Variants in FLNB observed in about 807,000 individuals in gnomAD.
FLNB encodes the protein filamin-B.
In FLNB, 111 loss-of-function variants were observed where a neutral mutation model predicts 250.6. The observed-to-expected ratio is 0.44, with a 90% confidence interval of 0.38 to 0.52. FLNB has a LOEUF of 0.52. Ranked by LOEUF, FLNB falls within the 20% of genes least tolerant of loss-of-function variation. The probability of loss-of-function intolerance (pLI) is 0.00; values close to 1 mark genes in which losing one functional copy is unlikely to be tolerated. For missense variants in FLNB, 2,869 were observed against 3,447.8 expected (o/e 0.83, Z 4.20); for synonymous variants, 1,302 against 1,372.1 (o/e 0.95, Z 1.13).
At chr3:58,150,396 CAG>C (rs1488091107) in intron 38 of FLNB, 169 bp downstream of exon 38, 6 of 755,900 alleles carry the variant, frequency 7.9e-6, no homozygotes, top group Admixed American at 7.4e-5. Flanking sequence ...TTTATTTTCA[CAG>C]AGTCTCATCC....
chr3:58,167,998 A>G (rs1281588018), intron 43 of FLNB, among the ~76,000 whole-genome samples: 2 of 152,116 alleles, frequency 1.3e-5, no homozygotes, highest in Non-Finnish European at 2.9e-5. Flanking sequence ...AAGGGAGGAG[A>G]TGCTTGGCCT....
Position 58,017,998 on chromosome 3 carries a change from T to G in FLNB, c.292+9142T>G, listed in dbSNP as rs529610302. ...AGGAGGACCCTTGTCCTCCTACATA[T>G]TATTCTTTGGCTCTTCTTGGTACCA... On this transcript the variant is annotated intron_variant, in intron 1 of 45. Coordinates refer to ENST00000295956, the MANE Select transcript of FLNB (RefSeq NM_001457.4). 5.3e-5 allele frequency among the ~76,000 whole-genome samples: 8 copies of G among 152,288 alleles called. 1 individual carries two copies. The highest frequency in any genetic ancestry group is 3.3e-4 in the Admixed American group (5 of 15,288).
chr3:58,132,177 T>C (rs2097308571), intron 25 of FLNB: 1 of 624,902 alleles, frequency 1.6e-6, no homozygotes, highest in Non-Finnish European at 2.8e-6. Flanking sequence ...GACTGTCACG[T>C]TGGAAGCTGG....
chr3:58,084,355 C>A lies in FLNB; in HGVS notation c.787+2579C>A, dbSNP rs569551955. Among the ~76,000 whole-genome samples, 420 of 152,302 alleles carry A rather than the reference C, an allele frequency of 2.8e-3. 1 individual carries two copies. Among genetic ancestry groups the A allele is most frequent in the Non-Finnish European group, 3.0e-3 (202 of 68,022 alleles). ...ATTGGTCAAATGGACTGAATCTAAT[C>A]AAGGCATAGTGTATGTTTGTAATAA... On this transcript the variant is annotated intron_variant, in intron 4 of 45. Transcript: ENST00000295956.
In FLNB at chr3:58,130,928, T is replaced by C. The variant is rs1559716740; in HGVS notation, c.4390+20T>C. 1 of 1,604,426 alleles carries C rather than the reference T, an allele frequency of 6.2e-7. No individual in the cohort carries two copies. ...CACGAGGTAAGTGTGCACCCTGCCT[T>C]CCTGCAGACATTCATCTGCCCCAGG... On this transcript the variant is annotated intron_variant, in intron 25 of 45. Coordinates refer to ENST00000295956, the MANE Select transcript of FLNB (RefSeq NM_001457.4).
intron 41 of FLNB, among the ~76,000 whole-genome samples, chr3:58,156,897 A>C (rs1335412647): frequency 6.6e-6 from 1 of 152,090 alleles, no homozygotes; most frequent in Non-Finnish European, 1.5e-5. Flanking sequence ...GGGTTGCACC[A>C]TGTTGGCCAG....
At position 58,110,322 on chromosome 3, in the gene FLNB, G is replaced by A; in HGVS notation, c.2484+152G>A. The A allele has an allele frequency of 6.0e-6, 5 of 840,170 alleles. No individual in the cohort carries two copies. In the South Asian group the frequency reaches 7.9e-5, roughly 13 times the overall value. The allele number at this position is 840,170 out of a possible 1,614,324, so 52.0% of individuals were successfully genotyped here. ...CTTTCACCCAAGCTAGAGTGCAGTG[G>A]TGTGATCTTGGCTCACTGCAACCTC... On this transcript the variant is annotated intron_variant, in intron 16 of 45. Coordinates refer to ENST00000295956, the MANE Select transcript of FLNB (RefSeq NM_001457.4).
chr3:58,090,274 G>T (rs982464889), intron 4 of FLNB, among the ~76,000 whole-genome samples: 1 of 152,028 alleles, frequency 6.6e-6, no homozygotes, highest in Non-Finnish European at 1.5e-5. Flanking sequence ...GAGCAGTAAT[G>T]TGTGGAACCG....
At chr3:58,040,984 C>T (rs2097145285) in intron 1 of FLNB, among the ~76,000 whole-genome samples, 1 of 152,076 alleles carries the variant, frequency 6.6e-6, no homozygotes, top group African/African-American at 2.4e-5. Flanking sequence ...TGAGTGCTAA[C>T]CATAGTGAGT....
At chr3:58,106,215 A>G (rs2097259283) in intron 11 of FLNB, among the ~76,000 whole-genome samples, 1 of 152,120 alleles carries the variant, frequency 6.6e-6, no homozygotes, top group African/African-American at 2.4e-5. Context: ...ATAAAAACCC[A>G]GAAGTGGATT....
At position 58,083,646 on chromosome 3, in the gene FLNB, C is replaced by T. The variant is rs999376134; in HGVS notation, c.787+1870C>T. On this transcript the variant is annotated intron_variant, in intron 4 of 45. Transcript: ENST00000295956. ...CCTCCCAATCCGCTTATTCTTAAGA[C>T]GACACATGGCTAGGGCAGTGATGCT... Among the ~76,000 whole-genome samples the T allele has an allele frequency of 4.6e-5, 7 of 152,212 alleles. No individual in the cohort carries two copies. The South Asian group carries it at 6.2e-4, about 14-fold the overall frequency.
At chr3:58,081,118 A>G (rs2097208730) in intron 3 of FLNB, among the ~76,000 whole-genome samples, 1 of 151,938 alleles carries the variant, frequency 6.6e-6, no homozygotes, top group Admixed American at 6.6e-5. Context: ...AATGGCTCCT[A>G]ATATATTGAG....
intron 15 of FLNB, 84 bp from the exon 16 acceptor site, chr3:58,109,926 T>G: frequency 1.9e-6 from 3 of 1,560,432 alleles, no homozygotes; most frequent in Non-Finnish European, 2.6e-6. Context: ...AATTGCTTTT[T>G]GAGGGTGTTA....
intron 1 of FLNB, among the ~76,000 whole-genome samples, chr3:58,073,423 G>A (rs2106933200): frequency 6.6e-6 from 1 of 152,170 alleles, no homozygotes. Flanking sequence ...ACCAAGTTCC[G>A]TGCAGGGCCT....
At chr3:58,167,525 C>T (rs2097372800) in intron 43 of FLNB, among the ~76,000 whole-genome samples, 1 of 152,232 alleles carries the variant, frequency 6.6e-6, no homozygotes. Flanking sequence ...GATGCTATGC[C>T]AGGCATGCCC....
In FLNB at chr3:58,143,548, G is replaced by T; in HGVS notation, c.5360G>T (p.Arg1787Ile). 1 of 1,614,224 alleles carries T rather than the reference G, an allele frequency of 6.2e-7. No individual in the cohort carries two copies. The highest frequency in any genetic ancestry group is 8.5e-7 in the Non-Finnish European group (1 of 1,180,044). ...VDNKDGTVTV[R>I]YAPTEVGLHE... is the part of the protein sequence containing the mutation. ...AACAAGGACGGCACGGTCACTGTTA[G>T]ATATGCCCCCACTGAGGTCGGGCTC... The change falls in exon 32 of 46, where the codon AGA becomes ATA. Residue 1787 changes from arginine (R) to isoleucine (I), a missense_variant. Coordinates refer to ENST00000295956, the MANE Select transcript of FLNB (RefSeq NM_001457.4).
rs760134060 is a variant in FLNB, at chr3:58,134,602, G to T, written c.4515-14G>T. 1.9e-6 allele frequency: 3 copies of T among 1,613,706 alleles called. No homozygotes were observed. Among genetic ancestry groups the T allele is most frequent in the Non-Finnish European group, 1.7e-6 (2 of 1,179,640 alleles). ...TCTTTATTGACTAGGGTGTGTGTGT[G>T]TGTGTCTATCAAGTCCCTTCAAGGT... On this transcript the variant is annotated splice_polypyrimidine_tract_variant and intron_variant, in intron 26 of 45. Transcript: ENST00000295956.
chr3:58,097,423 G>A (rs112400538), intron 6 of FLNB, among the ~76,000 whole-genome samples: 20 of 152,094 alleles, frequency 1.3e-4, no homozygotes, highest in African/African-American at 3.6e-4. Flanking sequence ...AATGATTTTC[G>A]TCCCTTGAAA....
intron 1 of FLNB, among the ~76,000 whole-genome samples, chr3:58,035,821 A>G (rs2097137297): frequency 6.6e-6 from 1 of 152,162 alleles, no homozygotes; most frequent in Non-Finnish European, 1.5e-5. Flanking sequence ...TGCTGGATGG[A>G]TCAGTCAGCT....
Sources: gnomAD v4.1 joint callset for allele counts (sites outside exome capture counted in the v4.1 genomes callset) on GRCh38, gnomAD v4.1.1 for gene constraint, MANE v1.5 for transcripts, NCBI Gene and HGNC (gene_info 2026-07-23, HGNC 2026-07-21) for gene names.